The following RCAN2 variants were observed in gnomAD, a reference collection of about 807,000 sequenced individuals.
The protein encoded by RCAN2 is regulator of calcineurin 2, also known as calcipressin-2.
Under a neutral mutation model 23.6 loss-of-function variants are expected in RCAN2, and 9 were observed. The observed-to-expected ratio is 0.38, with a 90% CI of 0.23 to 0.67. The LOEUF (loss-of-function observed/expected upper bound fraction) is 0.67. Among genes scored for constraint, RCAN2 ranks in the 30% least tolerant of loss-of-function variants. The pLI, the probability that RCAN2 is intolerant of heterozygous loss-of-function variation, is 0.51. For synonymous variants in RCAN2, 109 were observed against 115.7 expected, an observed-to-expected ratio of 0.94 and a Z score of 0.37; for missense variants, 273 against 302.3, an observed-to-expected ratio of 0.90 and a Z score of 0.72.
At chr6:46,398,091 A>G (rs1282430088) in intron 2 of RCAN2, among the ~76,000 whole-genome samples, 1 of 152,194 alleles carries the variant, frequency 6.6e-6, no homozygotes, top group Non-Finnish European at 1.5e-5. Context: ...ATTTCAGAGG[A>G]ATACTTCATA....
rs1218753398 is a variant in RCAN2, at chr6:46,470,414, C to T, written c.-2-13436G>A. On this transcript the variant is annotated intron_variant, in intron 1 of 4. Coordinates refer to ENST00000371374, the MANE Select transcript of RCAN2 (RefSeq NM_001251974.2). Reference sequence around the variant, plus strand: ...GCCTTATTAAGATGTCAGAGATCAGCGTTCACCACTGGATTTATAAAACCT... The same window carrying T: ...GCCTTATTAAGATGTCAGAGATCAGTGTTCACCACTGGATTTATAAAACCT... Among the ~76,000 whole-genome samples the T allele has an allele frequency of 4.6e-5, 7 of 152,168 alleles. No homozygotes were observed. In the South Asian group the frequency reaches 1.0e-3, roughly 23 times the overall value.
At chr6:46,439,292 G>A (rs1237116747) in intron 2 of RCAN2, among the ~76,000 whole-genome samples, 1 of 152,158 alleles carries the variant, frequency 6.6e-6, no homozygotes, top group African/African-American at 2.4e-5. Context: ...TTTCAAAAAG[G>A]TGAACTTGTT....
At chr6:46,245,132 A>T (rs576409079) in intron 4 of RCAN2, among the ~76,000 whole-genome samples, 1 of 152,222 alleles carries the variant, frequency 6.6e-6, no homozygotes, top group African/African-American at 2.4e-5. Flanking sequence ...TTTCACTAAC[A>T]TCTCTCTTAT....
At chr6:46,235,906 T>C (rs1464082415) in intron 4 of RCAN2, among the ~76,000 whole-genome samples, 2 of 152,182 alleles carry the variant, frequency 1.3e-5, no homozygotes, top group African/African-American at 4.8e-5. Flanking sequence ...CCTTATCACA[T>C]ATGAGTAATG....
intron 2 of RCAN2, among the ~76,000 whole-genome samples, chr6:46,309,296 T>C (rs1763178170): frequency 1.3e-5 from 2 of 152,326 alleles, no homozygotes; most frequent in South Asian, 2.1e-4. Context: ...ATAAGGGCCA[T>C]CCTGTAATTT....
At chr6:46,325,420 G>A (rs1376994901) in intron 2 of RCAN2, 4 of 1,614,028 alleles carry the variant, frequency 2.5e-6, no homozygotes, top group East Asian at 2.2e-5. Context: ...TAAAGACCTC[G>A]ACATCCACCA....
At chr6:46,410,456 A>C (rs1021244012) in intron 2 of RCAN2, among the ~76,000 whole-genome samples, 1 of 152,216 alleles carries the variant, frequency 6.6e-6, no homozygotes, top group African/African-American at 2.4e-5. Context: ...CATGGTAAAA[A>C]AAGGTAACCA....
chr6:46,391,047 G>C (rs1482287499), intron 2 of RCAN2, among the ~76,000 whole-genome samples: 3 of 152,228 alleles, frequency 2.0e-5, no homozygotes, highest in East Asian at 3.9e-4. Context: ...AGAGGGGAGA[G>C]GTGTATTCTG....
intron 2 of RCAN2, among the ~76,000 whole-genome samples, chr6:46,269,274 T>C (rs2150331965): frequency 6.6e-6 from 1 of 152,332 alleles, no homozygotes; most frequent in Non-Finnish European, 1.5e-5. Context: ...TTTCACATTA[T>C]TTTTCAGATC....
chr6:46,241,203 G>T (rs1165568867), intron 4 of RCAN2, among the ~76,000 whole-genome samples: 1 of 152,156 alleles, frequency 6.6e-6, no homozygotes, highest in Non-Finnish European at 1.5e-5. Flanking sequence ...TTGCCAGGCT[G>T]GGTTTTTATT....
intron 2 of RCAN2, among the ~76,000 whole-genome samples, chr6:46,295,451 A>C (rs1762698022): frequency 6.6e-6 from 1 of 152,178 alleles, no homozygotes; most frequent in Non-Finnish European, 1.5e-5. Flanking sequence ...TGGAGAACAG[A>C]AGAACACCAG....
At chr6:46,263,746 G>C (rs549889014) in intron 2 of RCAN2, among the ~76,000 whole-genome samples, 1 of 116,116 alleles carries the variant, frequency 8.6e-6, no homozygotes, top group African/African-American at 3.1e-5. Flanking sequence ...AAAAAAAAAA[G>C]GTATTTCAAG....
intron 2 of RCAN2, among the ~76,000 whole-genome samples, chr6:46,402,973 T>C (rs1473365082): frequency 6.6e-6 from 1 of 152,024 alleles, no homozygotes; most frequent in Non-Finnish European, 1.5e-5. Flanking sequence ...TGAATTTTTT[T>C]TTTTTTTTTG....
intron 2 of RCAN2, among the ~76,000 whole-genome samples, chr6:46,297,205 G>T (rs1379504356): frequency 6.6e-6 from 1 of 152,030 alleles, no homozygotes; most frequent in Admixed American, 6.6e-5. Flanking sequence ...ATCCAATTTT[G>T]CAAGAAAGAA....
intron 2 of RCAN2, among the ~76,000 whole-genome samples, chr6:46,418,208 C>G (rs1161048245): frequency 1.3e-5 from 2 of 151,902 alleles, no homozygotes; most frequent in East Asian, 3.8e-4. Flanking sequence ...AGACAAACAA[C>G]CTGAATTTTT....
chr6:46,321,560 G>A (rs1429494411), intron 2 of RCAN2, among the ~76,000 whole-genome samples: 1 of 152,202 alleles, frequency 6.6e-6, no homozygotes, highest in Non-Finnish European at 1.5e-5. Context: ...AGACAAGGCT[G>A]GAAACCTGGT....
intron 1 of RCAN2, among the ~76,000 whole-genome samples, chr6:46,458,216 G>T (rs1768102423): frequency 6.6e-6 from 1 of 152,172 alleles, no homozygotes; most frequent in Admixed American, 6.5e-5. Flanking sequence ...CTCTCATGAA[G>T]TTTAGCTAGA....
chr6:46,327,482 C>T (rs960435992), intron 2 of RCAN2, among the ~76,000 whole-genome samples: 11 of 152,242 alleles, frequency 7.2e-5, no homozygotes, highest in Non-Finnish European at 1.3e-4. Flanking sequence ...ACAAGGCAGC[C>T]GGAGCCAGAT....
Position 46,483,587 on chromosome 6 carries a change from TC to T in RCAN2, c.-3+7585del, listed in dbSNP as rs529043897. 4.1e-4 allele frequency among the ~76,000 whole-genome samples: 62 copies of T among 152,306 alleles called. No individual in the cohort carries two copies. In the South Asian group the frequency reaches 0.012, roughly 29 times the overall value. ...TTGAAAATCTGACTGAGTAAGTAAT[TC>T]AACTCAGAGCATCACCTAAATGTCA... On this transcript the variant is annotated intron_variant, in intron 1 of 4. Coordinates refer to ENST00000371374, the MANE Select transcript of RCAN2 (RefSeq NM_001251974.2).
Sources: allele counts gnomAD v4.1 joint callset (sites outside exome capture counted in the v4.1 genomes callset), GRCh38; gene constraint gnomAD v4.1.1; transcripts MANE v1.5; gene names NCBI Gene and HGNC (gene_info 2026-07-23, HGNC 2026-07-21).